Variants in IPO11 observed in about 807,000 individuals in gnomAD.
The protein encoded by IPO11 is importin 11, also known as importin-11.
A neutral mutation model predicts 143.2 loss-of-function variants in IPO11; 66 were observed. The observed-to-expected ratio is 0.46, with a 90% CI of 0.38 to 0.57. The LOEUF (loss-of-function observed/expected upper bound fraction) is 0.57. IPO11 is among the 20% of genes least tolerant of loss of function. The pLI is 0.00. For synonymous variants in IPO11, 385 were observed against 377.8 expected, an observed-to-expected ratio of 1.02 and a Z score of -0.22; for missense variants, 1,026 against 1,141.0, an observed-to-expected ratio of 0.90 and a Z score of 1.45.
chr5:62,620,504 G>A (rs1017529129), intron 29 of IPO11, among the ~76,000 whole-genome samples: 19 of 132,098 alleles, frequency 1.4e-4, no homozygotes, highest in Non-Finnish European at 1.6e-5. Flanking sequence ...GGGCAACAGA[G>A]CGAGACTCTG....
intron 22 of IPO11, among the ~76,000 whole-genome samples, chr5:62,535,115 G>A (rs1363525347): frequency 6.6e-6 from 1 of 151,682 alleles, no homozygotes; most frequent in African/African-American, 2.4e-5. Flanking sequence ...GCAGAGGCAT[G>A]GAAAGCAGTG....
intron 16 of IPO11, among the ~76,000 whole-genome samples, chr5:62,495,276 T>C (rs994070291): frequency 3.3e-5 from 5 of 152,230 alleles, no homozygotes; most frequent in African/African-American, 1.2e-4. Flanking sequence ...ACTTCTAAAA[T>C]TTCTATTTGC....
chr5:62,515,650 C>A (rs1039236700), intron 20 of IPO11, 149 bp downstream of exon 20: 2 of 535,544 alleles, frequency 3.7e-6, no homozygotes, highest in Non-Finnish European at 6.4e-6. Context: ...TGATCTAAAC[C>A]GATTTAAAAA....
At chr5:62,467,382 C>T in intron 6 of IPO11, 119 bp downstream of exon 6, 3 of 1,069,802 alleles carry the variant, frequency 2.8e-6, no homozygotes, top group South Asian at 1.7e-5. Context: ...AGGTTTATTT[C>T]TCCCTGAAAG....
intron 29 of IPO11, 72 bp from the exon 30 acceptor site, chr5:62,627,082 C>T: frequency 7.3e-7 from 1 of 1,373,274 alleles, no homozygotes; most frequent in Non-Finnish European, 1.0e-6. Context: ...TTACAAAGAA[C>T]TTTTGTAAAT....
intron 24 of IPO11, among the ~76,000 whole-genome samples, chr5:62,538,953 A>G (rs1028231883): frequency 3.3e-5 from 5 of 152,216 alleles, no homozygotes; most frequent in Admixed American, 1.3e-4. Flanking sequence ...TCTGCTGAGC[A>G]TGGGGATTTA....
At chr5:62,580,197 T>G in intron 27 of IPO11, 1 of 1,551,186 alleles carries the variant, frequency 6.4e-7, no homozygotes, top group East Asian at 2.4e-5. Context: ...GACTTGCCAA[T>G]CTGGAATACC....
At chr5:62,506,398 T>A in intron 19 of IPO11, 41 bp downstream of exon 19, 101 of 915,344 alleles carry the variant, frequency 1.1e-4, no homozygotes, top group Non-Finnish European at 1.7e-4. Context: ...GAGGGGTGGG[T>A]AGAATAGACG....
At chr5:62,561,608 G>A (rs982522426) in intron 27 of IPO11, among the ~76,000 whole-genome samples, 2 of 152,072 alleles carry the variant, frequency 1.3e-5, no homozygotes, top group African/African-American at 4.8e-5. Context: ...AAAGTCAATA[G>A]CACTTCATAA....
chr5:62,576,620 G>A (rs1744322172), intron 27 of IPO11, among the ~76,000 whole-genome samples: 1 of 152,032 alleles, frequency 6.6e-6, no homozygotes, highest in Non-Finnish European at 1.5e-5. Flanking sequence ...GCAAGACTCC[G>A]TCTTTACAAA....
chr5:62,554,635 T>C (rs762795795), intron 26 of IPO11, among the ~76,000 whole-genome samples: 4 of 151,990 alleles, frequency 2.6e-5, no homozygotes, highest in Non-Finnish European at 5.9e-5. Flanking sequence ...TCTGTGTGTG[T>C]TTTTATGCTG....
intron 27 of IPO11, chr5:62,581,470 G>A (rs1341796089): frequency 1.1e-5 from 7 of 619,808 alleles, no homozygotes; most frequent in Non-Finnish European, 1.3e-5. Flanking sequence ...TATTCATTTA[G>A]CAAATATTTT....
chr5:62,501,794 A>T (rs1196519228), intron 16 of IPO11, among the ~76,000 whole-genome samples: 2 of 152,178 alleles, frequency 1.3e-5, no homozygotes, highest in African/African-American at 4.8e-5. Flanking sequence ...AAGAATGAGG[A>T]TGGCTTTTTA....
intron 27 of IPO11, 151 bp from the exon 28 acceptor site, chr5:62,591,426 C>G: frequency 1.8e-6 from 1 of 557,908 alleles, no homozygotes; most frequent in Admixed American, 3.7e-5. Context: ...CAAAGATAAA[C>G]TTTTTGTTAT....
At chr5:62,500,786 C>G (rs1741320870) in intron 16 of IPO11, among the ~76,000 whole-genome samples, 1 of 152,208 alleles carries the variant, frequency 6.6e-6, no homozygotes, top group Non-Finnish European at 1.5e-5. Context: ...GTGTGAGCAA[C>G]TGCACCAGGC....
chr5:62,464,242 C>T (rs766841400), intron 5 of IPO11, among the ~76,000 whole-genome samples: 15 of 147,534 alleles, frequency 1.0e-4, no homozygotes, highest in African/African-American at 3.5e-4. Flanking sequence ...TTCTGCCTCC[C>T]GGATTCTCCC....
intron 1 of IPO11, among the ~76,000 whole-genome samples, chr5:62,428,342 T>C (rs1743836847): frequency 6.6e-6 from 1 of 151,780 alleles, no homozygotes; most frequent in Admixed American, 6.6e-5. Context: ...ATAAGTCACA[T>C]TTTATTTATT....
At chr5:62,483,009 G>A (rs895588286) in intron 9 of IPO11, 92 bp from the exon 10 acceptor site, 28 of 828,934 alleles carry the variant, frequency 3.4e-5, no homozygotes, top group Admixed American at 5.7e-5. Flanking sequence ...ACTGCTAAAT[G>A]ATTATTAGTA....
chr5:62,484,212 A>G, intron 11 of IPO11, 50 bp downstream of exon 11: 1 of 1,473,570 alleles, frequency 6.8e-7, no homozygotes, highest in Non-Finnish European at 9.2e-7. Context: ...CCTTTCTATA[A>G]ATATCTGTTT....
Sources: allele counts gnomAD v4.1 joint callset (sites outside exome capture counted in the v4.1 genomes callset), GRCh38; gene constraint gnomAD v4.1.1; transcripts MANE v1.5; gene names NCBI Gene and HGNC (gene_info 2026-07-23, HGNC 2026-07-21).